The following SATB2 variants were observed in gnomAD, a reference collection of about 807,000 sequenced individuals.
SATB2 encodes the protein SATB homeobox 2.
SATB2 carries 1 observed loss-of-function variant against 73.4 expected under a neutral mutation model. The ratio of observed to expected loss-of-function variants is 0.01; its 90% CI spans 0.00 to 0.06. The LOEUF is 0.06. Ranked by LOEUF, SATB2 falls within the 10% of genes least tolerant of loss-of-function variation. The pLI is 1.00. For missense variants in SATB2, 459 were observed against 945.8 expected (o/e 0.49, Z 6.75); for synonymous variants, 397 against 367.0 (o/e 1.08, Z -0.93).
intron 6 of SATB2, among the ~76,000 whole-genome samples, chr2:199,359,976 A>T (rs1473705098): frequency 6.6e-6 from 1 of 152,204 alleles, no homozygotes; most frequent in Non-Finnish European, 1.5e-5. Flanking sequence ...GCAAATAGTT[A>T]AATAACTGTC....
chr2:199,292,240 C>A (rs1230472217), intron 10 of SATB2, among the ~76,000 whole-genome samples: 1 of 152,160 alleles, frequency 6.6e-6, no homozygotes, highest in African/African-American at 2.4e-5. Flanking sequence ...CTAAGGTCAA[C>A]CAGCAATTAA....
rs1692540645 is a variant in SATB2, at chr2:199,464,063, GC to G, written c.-141+772del. Among the ~76,000 whole-genome samples the G allele has an allele frequency of 3.9e-5, 6 of 152,192 alleles. No individual in the cohort carries two copies. The highest frequency in any genetic ancestry group is 3.9e-4 in the Admixed American group (6 of 15,280). On this transcript the variant is annotated intron_variant, in intron 1 of 11. Transcript: ENST00000260926. This position sits in a 1 kb window ranked among gnomAD's most constrained non-coding sequence, Gnocchi z 6.6. ...GACGAGGGGGGCAGTGTATCCGGCG[GC>G]CCAAACTCGTAAGGAGTGGGGGCCA... is the stretch of plus-strand genomic sequence containing the variant.
chr2:199,343,113 T>TAC (rs60947005), intron 7 of SATB2, among the ~76,000 whole-genome samples: 199 of 151,232 alleles, frequency 1.3e-3, no homozygotes, highest in African/African-American at 4.3e-3. Flanking sequence ...TTTTATTTTA[T>TAC]ACACACACAC....
chr2:199,339,388 G>A (rs17198127), intron 7 of SATB2, among the ~76,000 whole-genome samples: 8,128 of 152,192 alleles, frequency 0.053, 261 homozygotes, highest in Middle Eastern at 0.13. Flanking sequence ...TGAAATGAAA[G>A]ACTGTTTATT....
rs1459506533 is a variant in SATB2 at position 199,455,300 on chromosome 2, A to C, written c.169+569T>G. On this transcript the variant is annotated intron_variant, in intron 2 of 10. Transcript: ENST00000417098. This position sits in a 1 kb window ranked among gnomAD's most constrained non-coding sequence, Gnocchi z 4.1. ...TAAAGTTACGAATGCATATGACTAA[A>C]CTTTATAGACAACAGCAGCATTTAA... Among the ~76,000 whole-genome samples the C allele has an allele frequency of 6.6e-6, 1 of 152,222 alleles. No homozygotes were observed. The highest frequency in any genetic ancestry group is 1.5e-5 in the Non-Finnish European group (1 of 68,048).
At chr2:199,450,395 T>C (rs190263032) in intron 2 of SATB2, among the ~76,000 whole-genome samples, 106 of 152,280 alleles carry the variant, frequency 7.0e-4, no homozygotes, top group African/African-American at 2.4e-3. Flanking sequence ...GTAAGGAAGA[T>C]AGTAAAAATT....
At chr2:199,314,196 T>C (rs1041516563) in intron 9 of SATB2, among the ~76,000 whole-genome samples, 5 of 152,152 alleles carry the variant, frequency 3.3e-5, no homozygotes, top group Admixed American at 1.3e-4. Flanking sequence ...GGGCAAGGGT[T>C]TGTTTCTTAC....
intron 1 of SATB2, chr2:199,470,761 C>T (rs954904383): frequency 1.3e-5 from 2 of 152,426 alleles, no homozygotes; most frequent in African/African-American, 4.8e-5. Context: ...GAACTGATGA[C>T]TGCTTGGGCC....
intron 10 of SATB2, among the ~76,000 whole-genome samples, chr2:199,279,126 G>C (rs564756162): frequency 6.6e-6 from 1 of 152,266 alleles, no homozygotes; most frequent in African/African-American, 2.4e-5. Flanking sequence ...CTATAAATGG[G>C]CATGAAGATG....
At chr2:199,412,772 G>T (rs1268767684) in intron 3 of SATB2, among the ~76,000 whole-genome samples, 1 of 152,022 alleles carries the variant, frequency 6.6e-6, no homozygotes, top group Non-Finnish European at 1.5e-5. Context: ...CCTCCCTAAT[G>T]GGGACAAGTC....
intron 5 of SATB2, among the ~76,000 whole-genome samples, chr2:199,372,465 CACTT>C (rs1689477864): frequency 1.3e-5 from 2 of 152,054 alleles, no homozygotes; most frequent in Non-Finnish European, 1.5e-5. Context: ...CTTTTTAACT[CACTT>C]GTTTGTTTTT....
chr2:199,380,220 A>G (rs1689728650), intron 5 of SATB2, 144 bp downstream of exon 5: 1 of 1,085,412 alleles, frequency 9.2e-7, no homozygotes, highest in African/African-American at 1.6e-5. Flanking sequence ...AACCAGAAGC[A>G]ACATAATCTT....
At chr2:199,406,038 C>A (rs1047542865) in intron 3 of SATB2, among the ~76,000 whole-genome samples, 4 of 152,008 alleles carry the variant, frequency 2.6e-5, no homozygotes, top group African/African-American at 9.7e-5. Flanking sequence ...ACTTACATAG[C>A]ATTTACATTG....
intron 7 of SATB2, among the ~76,000 whole-genome samples, chr2:199,336,139 T>A (rs914106439): frequency 6.6e-6 from 1 of 152,112 alleles, no homozygotes; most frequent in Non-Finnish European, 1.5e-5. Flanking sequence ...CTCCTTGGTG[T>A]CTCTAGGAAG....
intron 6 of SATB2, among the ~76,000 whole-genome samples, chr2:199,367,186 C>A (rs527667370): frequency 6.6e-6 from 1 of 152,122 alleles, no homozygotes; most frequent in East Asian, 1.9e-4. Context: ...AGAAAAGAAA[C>A]CTTCTGAGCC....
upstream of SATB2, among the ~76,000 whole-genome samples, chr2:199,462,776 C>T (rs910954665): frequency 2.6e-5 from 4 of 152,208 alleles, no homozygotes; most frequent in African/African-American, 9.6e-5. The surrounding 1 kb of genome is among the most constrained non-coding windows in gnomAD (Gnocchi z 5.9). Flanking sequence ...AGAGATACGC[C>T]TCAGAGGGAC....
intron 6 of SATB2, among the ~76,000 whole-genome samples, chr2:199,353,320 A>G (rs555560942): frequency 1.3e-5 from 2 of 151,742 alleles, no homozygotes; most frequent in Admixed American, 1.3e-4. Flanking sequence ...GTGCCCAGCT[A>G]ATTTTTATAT....
upstream of SATB2, among the ~76,000 whole-genome samples, chr2:199,462,246 C>T (rs1053557731): frequency 1.3e-5 from 2 of 152,242 alleles, no homozygotes; most frequent in African/African-American, 4.8e-5. This position sits in a 1 kb window ranked among gnomAD's most constrained non-coding sequence, Gnocchi z 5.9. Flanking sequence ...TCCCCTGGAG[C>T]TTGCCCTCCT....
At chr2:199,422,691 C>T (rs1691207694) in intron 3 of SATB2, among the ~76,000 whole-genome samples, 1 of 152,094 alleles carries the variant, frequency 6.6e-6, no homozygotes, top group African/African-American at 2.4e-5. Flanking sequence ...CTATTTGCCT[C>T]TCTGAGCCTC....
Sources: allele counts gnomAD v4.1 joint callset (sites outside exome capture counted in the v4.1 genomes callset), GRCh38; gene constraint gnomAD v4.1.1; non-coding constraint Gnocchi (gnomAD v3.1); transcripts MANE v1.5; gene names NCBI Gene and HGNC (gene_info 2026-07-23, HGNC 2026-07-21).